Variants in MIER1 observed in about 807,000 individuals in gnomAD.
MIER1 encodes MIER1 transcriptional regulator, also known as mesoderm induction early response protein 1.
In MIER1, 40 loss-of-function variants were observed where a neutral mutation model predicts 75.7. The ratio of observed to expected loss-of-function variants is 0.53; its 90% CI spans 0.41 to 0.69. The LOEUF (loss-of-function observed/expected upper bound fraction) is 0.69, where lower values mean the gene tolerates loss of function less well. Ranked by LOEUF, MIER1 falls within the 30% of genes least tolerant of loss-of-function variation. The pLI is 0.00. For synonymous variants in MIER1, 213 were observed against 223.4 expected (o/e 0.95, Z 0.42); for missense variants, 574 against 680.2 (o/e 0.84, Z 1.74).
rs1054548207 is a variant in MIER1 at position 66,985,136 on chromosome 1, A to G, written c.*236A>G. On this transcript the variant is annotated 3_prime_UTR_variant, in exon 14 of 14. Transcript: ENST00000401041. ...TAGTAAATTTGAATGAACTAAAGATATATCTCTACCTTCTCATTTGAATAT... is the reference window on the plus strand; with the variant it reads ...TAGTAAATTTGAATGAACTAAAGATGTATCTCTACCTTCTCATTTGAATAT... 16 of 1,136,228 alleles carry G rather than the reference A, an allele frequency of 1.4e-5. No individual in the cohort carries two copies. The South Asian group carries it at 1.8e-4, about 13-fold the overall frequency. 70.4% of individuals were successfully genotyped at this position (1,136,228 alleles called of 1,614,324 possible). A position where few individuals can be genotyped will look rare whatever the true frequency, so the allele number is the denominator to read the frequency against.
At position 66,988,115 on chromosome 1, in the gene MIER1, G is replaced by A. The variant is rs1374081699; in HGVS notation, c.*3215G>A. 1 of 106,610 alleles carries A rather than the reference G, an allele frequency of 9.4e-6. No individual in the cohort carries two copies. The highest frequency in any genetic ancestry group is 2.3e-5 in the Non-Finnish European group (1 of 44,344). The allele number at this position is 106,610 out of a possible 1,614,324, so 6.6% of individuals were successfully genotyped here. On this transcript the variant is annotated 3_prime_UTR_variant, in exon 14 of 14. Transcript: ENST00000401041. ...GAATATAATAGGCAATATTTACATG[G>A]GGTGTGTAACTAAATACCAAATCAG...
At chr1:66,982,525 C>G (rs1442743281) in intron 13 of MIER1, among the ~76,000 whole-genome samples, 3 of 152,174 alleles carry the variant, frequency 2.0e-5, no homozygotes, top group African/African-American at 7.2e-5. Context: ...CTGTGCTGAT[C>G]AGTAGTAAGA....
intron 2 of MIER1, among the ~76,000 whole-genome samples, chr1:66,931,283 A>G (rs1005445147): frequency 2.0e-5 from 3 of 152,226 alleles, no homozygotes; most frequent in African/African-American, 2.4e-5. Context: ...GGAACTTTAA[A>G]TAACTGGAAG....
At chr1:66,930,925 G>A (rs187982558) in intron 2 of MIER1, among the ~76,000 whole-genome samples, 123 of 152,138 alleles carry the variant, frequency 8.1e-4, no homozygotes, top group African/African-American at 2.7e-3. Context: ...AAATTAATCT[G>A]GCCAGCCGCA....
At chr1:66,972,263 GATA>G (rs1558100515) in intron 10 of MIER1, among the ~76,000 whole-genome samples, 1 of 26,112 alleles carries the variant, frequency 3.8e-5, no homozygotes. Flanking sequence ...TATATATATA[GATA>G]TGTAACAAAT....
At chr1:66,930,070 A>G (rs1179172364) in intron 2 of MIER1, among the ~76,000 whole-genome samples, 3 of 151,870 alleles carry the variant, frequency 2.0e-5, no homozygotes, top group Non-Finnish European at 4.4e-5. Flanking sequence ...GCGGTTGCCC[A>G]CCTCCTCCCA....
intron 2 of MIER1, among the ~76,000 whole-genome samples, chr1:66,926,856 A>G (rs1651938543): frequency 6.6e-6 from 1 of 152,160 alleles, no homozygotes; most frequent in Non-Finnish European, 1.5e-5. Context: ...TGTTATAAGT[A>G]CAGTATTTTC....
chr1:66,949,173 A>G (rs1473553020), intron 4 of MIER1, among the ~76,000 whole-genome samples: 1 of 152,180 alleles, frequency 6.6e-6, no homozygotes, highest in Non-Finnish European at 1.5e-5. Flanking sequence ...CAGTAATAAA[A>G]TCTTGTATTT....
Position 66,946,197 on chromosome 1 carries a change from A to T in MIER1, c.241A>T (p.Met81Leu), listed in dbSNP as rs372231146. 1 of 1,612,188 alleles carries T rather than the reference A, an allele frequency of 6.2e-7. No individual in the cohort carries two copies. Among genetic ancestry groups the T allele is most frequent in the East Asian group, 2.2e-5 (1 of 44,710 alleles). Residue 81 changes from methionine to leucine, a missense_variant, in exon 4 of 14, where the codon ATG becomes TTG. By Grantham distance (15) the Met-to-Leu change is conservative (BLOSUM62 2). Coordinates refer to ENST00000401041, the MANE Select transcript of MIER1 (RefSeq NM_001077700.3). ...CCATGAATTTGATCCATCAGCTGAC[A>T]TGCTGGTTCATGATTTTGATGATGA... is the stretch of plus-strand genomic sequence containing the variant. The part of the protein sequence containing the change: ...DDHEFDPSAD[M>L]LVHDFDDERT...
Position 66,945,316 on chromosome 1 carries a change from T to TATATATAA in MIER1, c.194-833_194-832insTATATAAA, listed in dbSNP as rs1657339822. Among the ~76,000 whole-genome samples, 3 of 106,804 alleles carry TATATATAA rather than the reference T, an allele frequency of 2.8e-5. 1 individual carries two copies. In the East Asian group the frequency reaches 7.9e-4, roughly 28 times the overall value. The allele number at this position is 106,804 out of a possible 152,430, so 70.1% of individuals were successfully genotyped here. On this transcript the variant is annotated intron_variant, in intron 3 of 13. Transcript: ENST00000401041. ...ATATATATATATATATATATATATA[T>TATATATAA]AAAATACCTAATATAGGTAAATGCT...
chr1:66,953,931 G>A (rs564853590), intron 4 of MIER1, among the ~76,000 whole-genome samples: 4 of 152,174 alleles, frequency 2.6e-5, no homozygotes, highest in African/African-American at 9.6e-5. Context: ...GATTGAATAA[G>A]TAAGGGTATT....
chr1:66,977,113 C>CTT (rs777495629), intron 12 of MIER1, among the ~76,000 whole-genome samples: 2 of 144,052 alleles, frequency 1.4e-5, no homozygotes, highest in African/African-American at 2.5e-5. Flanking sequence ...TTTTAATCTT[C>CTT]TTTTTTTTTT....
chr1:66,931,858 C>T (rs1215443839), intron 2 of MIER1, among the ~76,000 whole-genome samples: 1 of 152,014 alleles, frequency 6.6e-6, no homozygotes, highest in East Asian at 1.9e-4. Flanking sequence ...CAGTTAGTGT[C>T]TTCAGTGGAC....
intron 12 of MIER1, among the ~76,000 whole-genome samples, chr1:66,978,084 T>C (rs1665095063): frequency 6.6e-6 from 1 of 151,576 alleles, no homozygotes; most frequent in African/African-American, 2.4e-5. Flanking sequence ...TAGTCTCAGC[T>C]ACTCGGGAGA....
In MIER1 at chr1:66,984,872, T is replaced by C. The variant is rs1471070140; in HGVS notation, c.1670T>C (p.Phe557Ser). Residue 557 changes from phenylalanine to serine, a missense_variant, in exon 14 of 14, where the codon TTT becomes TCT. Around this residue, in one of 3 missense-constraint regions of MIER1, gnomAD observed 164 missense variants for 154.3 expected, o/e 1.06. Coordinates refer to ENST00000401041, the MANE Select transcript of MIER1 (RefSeq NM_001077700.3). Reference protein sequence around the residue: ...FFQEAVSHGKFEELENTDD With the variant: ...FFQEAVSHGKSEELENTDD ...CAAGAAGCAGTCTCACATGGGAAAT[T>C]TGAAGAACTTGAAAACACAGATGAC... 1.9e-6 allele frequency: 3 copies of C among 1,595,186 alleles called. No individual in the cohort carries two copies. The East Asian group carries it at 6.7e-5, about 36-fold the overall frequency.
Position 66,986,881 on chromosome 1 carries a change from C to T in MIER1, c.*1981C>T, listed in dbSNP as rs989853120. ...AATCCAAAGTATCCTAGCTCTTTGTCAAAGATGGTCTGTAGAAATGTTTTT... is the reference window on the plus strand; with the variant it reads ...AATCCAAAGTATCCTAGCTCTTTGTTAAAGATGGTCTGTAGAAATGTTTTT... On this transcript the variant is annotated 3_prime_UTR_variant, in exon 14 of 14. Coordinates refer to ENST00000401041, the MANE Select transcript of MIER1 (RefSeq NM_001077700.3). 5 of 147,728 alleles carry T rather than the reference C, an allele frequency of 3.4e-5. No individual in the cohort carries two copies. The highest frequency in any genetic ancestry group is 2.1e-4 in the South Asian group (1 of 4,798). The allele number at this position is 147,728 out of a possible 1,614,324, so 9.2% of individuals were successfully genotyped here. A position where few individuals can be genotyped will look rare whatever the true frequency, so the allele number is the denominator to read the frequency against.
intron 2 of MIER1, among the ~76,000 whole-genome samples, chr1:66,937,500 G>A (rs769641577): frequency 4.6e-5 from 7 of 152,050 alleles, no homozygotes; most frequent in Non-Finnish European, 8.8e-5. Context: ...CAGGAGAATC[G>A]ATTGAATCTG....
At chr1:66,934,977 G>C (rs1654416488) in intron 2 of MIER1, among the ~76,000 whole-genome samples, 1 of 152,046 alleles carries the variant, frequency 6.6e-6, no homozygotes, top group Admixed American at 6.5e-5. Flanking sequence ...GTAGATGACG[G>C]CAATACTTAA....
intron 12 of MIER1, among the ~76,000 whole-genome samples, chr1:66,977,570 T>TA (rs1294741785): frequency 6.6e-6 from 1 of 152,218 alleles, no homozygotes; most frequent in Non-Finnish European, 1.5e-5. Context: ...ATTCTTTATG[T>TA]AAAATGTCTG....
Sources: gnomAD v4.1 joint callset for allele counts (sites outside exome capture counted in the v4.1 genomes callset) on GRCh38, gnomAD v4.1.1 for gene constraint, gnomAD v4.1.1 regional missense constraint, MANE v1.5 for transcripts, NCBI Gene and HGNC (gene_info 2026-07-23, HGNC 2026-07-21) for gene names.